ZNF704: variants seen among roughly 807,000 people sequenced by gnomAD.
The protein encoded by ZNF704 is zinc finger protein 704, also known as glucocorticoid induced gene 1.
Under a neutral mutation model 44.7 loss-of-function variants are expected in ZNF704, and 10 were observed. The ratio of observed to expected loss-of-function variants is 0.22; its 90% confidence interval spans 0.14 to 0.38. ZNF704 has a LOEUF of 0.38. Ranked by LOEUF, ZNF704 falls within the 10% of genes least tolerant of loss-of-function variation. The pLI, the probability that ZNF704 is intolerant of heterozygous loss-of-function variation, is 1.00. For synonymous variants in ZNF704, 211 were observed against 207.6 expected, an observed-to-expected ratio of 1.02 and a Z score of -0.14; for missense variants, 390 against 545.5, an observed-to-expected ratio of 0.71 and a Z score of 2.84.
intron 2 of ZNF704, among the ~76,000 whole-genome samples, chr8:80,810,597 G>C (rs1808065836): frequency 6.6e-6 from 1 of 152,142 alleles, no homozygotes; most frequent in South Asian, 2.1e-4. Flanking sequence ...AGGAATGTCA[G>C]AGTATCTGGT....
chr8:80,696,569 C>A (rs1016975463), intron 2 of ZNF704, among the ~76,000 whole-genome samples: 1 of 152,130 alleles, frequency 6.6e-6, no homozygotes, highest in African/African-American at 2.4e-5. Context: ...AGGCATGTGT[C>A]ACCACCCTCA....
chr8:80,825,024 C>A (rs1044754866), intron 1 of ZNF704, among the ~76,000 whole-genome samples: 1 of 152,116 alleles, frequency 6.6e-6, no homozygotes, highest in African/African-American at 2.4e-5. Context: ...AACTAATGAG[C>A]AAAATAACCA....
At position 80,688,512 on chromosome 8, in the gene ZNF704, A is replaced by G. The variant is rs73693805; in HGVS notation, c.326-1054T>C. Reference sequence around the variant, plus strand: ...GCAGCAGGAAGCAAAGTGACTTGCTACATGACTGGTAAGTATCCCTCATGG... The same window carrying G: ...GCAGCAGGAAGCAAAGTGACTTGCTGCATGACTGGTAAGTATCCCTCATGG... On this transcript the variant is annotated intron_variant, in intron 3 of 8. Transcript: ENST00000327835. 3.1e-3 allele frequency among the ~76,000 whole-genome samples: 465 copies of G among 152,350 alleles called. 6 individuals are homozygous for G. The highest frequency in any genetic ancestry group is 0.011 in the African/African-American group (452 of 41,584).
intron 7 of ZNF704, among the ~76,000 whole-genome samples, chr8:80,656,738 A>C (rs2131602378): frequency 6.6e-6 from 1 of 152,322 alleles, no homozygotes; most frequent in South Asian, 2.1e-4. Flanking sequence ...CTTTCTAGGA[A>C]GTGTACAAAA....
chr8:80,698,178 C>T (rs550168025), intron 2 of ZNF704, among the ~76,000 whole-genome samples: 5 of 152,228 alleles, frequency 3.3e-5, no homozygotes, highest in Non-Finnish European at 7.3e-5. Context: ...CTACCCTCTT[C>T]AGCTGCGGTC....
At chr8:80,699,385 TC>T (rs1818774094) in intron 2 of ZNF704, among the ~76,000 whole-genome samples, 1 of 149,324 alleles carries the variant, frequency 6.7e-6, no homozygotes, top group Non-Finnish European at 1.5e-5. Flanking sequence ...TCAGTATTCA[TC>T]AAAATTGATG....
chr8:80,742,926 G>A (rs1806785580), intron 2 of ZNF704, among the ~76,000 whole-genome samples: 1 of 152,020 alleles, frequency 6.6e-6, no homozygotes, highest in Non-Finnish European at 1.5e-5. Flanking sequence ...AGCTGGGAAG[G>A]TGACGCATCC....
chr8:80,770,738 T>C (rs934291419), intron 2 of ZNF704, among the ~76,000 whole-genome samples: 1 of 152,180 alleles, frequency 6.6e-6, no homozygotes, highest in Non-Finnish European at 1.5e-5. Context: ...TTAGGGACTG[T>C]GGCTTTAGTG....
chr8:80,868,444 C>A (rs1809194262), intron 1 of ZNF704, among the ~76,000 whole-genome samples: 1 of 152,136 alleles, frequency 6.6e-6, no homozygotes, highest in Admixed American at 6.5e-5. Context: ...AATAAATGGG[C>A]ACATGAATCC....
At chr8:80,833,848 T>C (rs1808511006) in intron 1 of ZNF704, among the ~76,000 whole-genome samples, 2 of 152,140 alleles carry the variant, frequency 1.3e-5, no homozygotes, top group African/African-American at 4.8e-5. Flanking sequence ...ACCTCAAATC[T>C]GTCTGCCAGA....
chr8:80,703,579 A>C (rs980949443), intron 2 of ZNF704, among the ~76,000 whole-genome samples: 4 of 152,088 alleles, frequency 2.6e-5, no homozygotes, highest in African/African-American at 9.7e-5. Flanking sequence ...GGCTCAAATG[A>C]TCCTTCTGCC....
chr8:80,792,130 T>C (rs1032621153), intron 2 of ZNF704, among the ~76,000 whole-genome samples: 2 of 152,062 alleles, frequency 1.3e-5, no homozygotes, highest in Admixed American at 1.3e-4. Context: ...TCTGGAAGGC[T>C]CGGCACCATG....
intron 2 of ZNF704, among the ~76,000 whole-genome samples, chr8:80,800,635 C>T (rs1807883370): frequency 6.6e-6 from 1 of 152,186 alleles, no homozygotes; most frequent in African/African-American, 2.4e-5. Context: ...ACCACCAGGC[C>T]TGCCTTGCAA....
chr8:80,687,148 C>G, intron 4 of ZNF704, 78 bp downstream of exon 4: 1 of 1,282,004 alleles, frequency 7.8e-7, no homozygotes, highest in Non-Finnish European at 1.1e-6. Context: ...CAAGGTTAAG[C>G]TCACACCGGC....
At chr8:80,824,577 C>A (rs971330355) in intron 1 of ZNF704, among the ~76,000 whole-genome samples, 1 of 152,106 alleles carries the variant, frequency 6.6e-6, no homozygotes, top group Admixed American at 6.5e-5. Flanking sequence ...CAGAGAACGC[C>A]ACAAAGATAC....
rs1448649437 is a variant in ZNF704 at position 80,640,365 on chromosome 8, C to G, written c.*1001G>C. The G allele has an allele frequency of 6.6e-6, 1 of 152,610 alleles. No homozygotes were observed. The highest frequency in any genetic ancestry group is 1.5e-5 in the Non-Finnish European group (1 of 68,056). 9.5% of individuals were successfully genotyped at this position (152,610 alleles called of 1,614,324 possible). On this transcript the variant is annotated 3_prime_UTR_variant, in exon 9 of 9. Transcript: ENST00000327835. ...GTTGTCTAAAGCAAACCTGCTGGGA[C>G]AGTTTGGAGTTCTCTACCTCTTCTG...
At chr8:80,855,593 G>C (rs1386054166) in intron 1 of ZNF704, among the ~76,000 whole-genome samples, 1 of 152,130 alleles carries the variant, frequency 6.6e-6, no homozygotes, top group Non-Finnish European at 1.5e-5. Flanking sequence ...GTAGAGTATG[G>C]AATGATACAC....
In ZNF704 at chr8:80,758,201, C is replaced by T. The variant is rs538099858; in HGVS notation, c.221+63173G>A. 3.3e-5 allele frequency among the ~76,000 whole-genome samples: 5 copies of T among 152,342 alleles called. No individual in the cohort carries two copies. The East Asian group carries it at 9.6e-4, about 29-fold the overall frequency. On this transcript the variant is annotated intron_variant, in intron 2 of 8. Coordinates refer to ENST00000327835, the MANE Select transcript of ZNF704 (RefSeq NM_001033723.3). Reference sequence around the variant, plus strand: ...CCTTCAGTTCACTGTGGAGCAAAGGCTCAGCTAGTCACCAAATTATCAGTT... The same window carrying T: ...CCTTCAGTTCACTGTGGAGCAAAGGTTCAGCTAGTCACCAAATTATCAGTT...
At chr8:80,687,161 T>C (rs915941181) in intron 4 of ZNF704, 65 bp downstream of exon 4, 2 of 1,457,602 alleles carry the variant, frequency 1.4e-6, no homozygotes, top group African/African-American at 1.4e-5. Context: ...ACACCGGCCC[T>C]TCAGAGGGGA....
Sources: gnomAD v4.1 joint callset for allele counts (sites outside exome capture counted in the v4.1 genomes callset) on GRCh38, gnomAD v4.1.1 for gene constraint, MANE v1.5 for transcripts, NCBI Gene and HGNC (gene_info 2026-07-23, HGNC 2026-07-21) for gene names.